Variants in PRDX3 observed in about 807,000 individuals in gnomAD.
PRDX3 encodes the protein thioredoxin-dependent peroxide reductase, mitochondrial.
A neutral mutation model predicts 30.4 loss-of-function variants in PRDX3; 20 were observed. The ratio of observed to expected loss-of-function variants is 0.66; its 90% CI spans 0.46 to 0.96. The LOEUF (loss-of-function observed/expected upper bound fraction) is 0.96, where lower values mean the gene tolerates loss of function less well. Among genes scored for constraint, PRDX3 ranks in the 40% least tolerant of loss-of-function variants. The pLI, the probability that PRDX3 is intolerant of heterozygous loss-of-function variation, is 0.00. For synonymous variants in PRDX3, 124 were observed against 117.8 expected, an observed-to-expected ratio of 1.05 and a Z score of -0.34; for missense variants, 322 against 318.3, an observed-to-expected ratio of 1.01 and a Z score of -0.09.
intron 5 of PRDX3, among the ~76,000 whole-genome samples, chr10:119,171,261 C>T (rs1210107701): frequency 3.3e-5 from 5 of 151,976 alleles, no homozygotes; most frequent in African/African-American, 1.2e-4. Flanking sequence ...AGGATGGTCT[C>T]GATCTCTTGA....
intron 6 of PRDX3, 100 bp downstream of exon 6, chr10:119,169,077 C>T: frequency 7.5e-7 from 1 of 1,333,890 alleles, no homozygotes; most frequent in Non-Finnish European, 1.1e-6. Flanking sequence ...CATCTGCACG[C>T]TTGCTTCAAG....
In PRDX3 at chr10:119,169,280, A is replaced by G. The variant is rs1178914192; in HGVS notation, c.614T>C (p.Val205Ala). 3 of 1,614,028 alleles carry G rather than the reference A, an allele frequency of 1.9e-6. No homozygotes were observed. Among genetic ancestry groups the G allele is most frequent in the Non-Finnish European group, 2.5e-6 (3 of 1,180,020 alleles). ...IKHLSVNDLP[V>A]GRSVEETLRL... ...GAGGGTTTCTTCCACGCTTCGGCCC[A>G]CTGGGAGATCGTTGACGCTCAAATG... Residue 205 changes from valine (V) to alanine (A), a missense_variant, in exon 6 of 7, where the codon GTG (valine) becomes GCG (alanine). Coordinates refer to ENST00000298510, the MANE Select transcript of PRDX3 (RefSeq NM_006793.5).
At chr10:119,178,661 G>A (rs1848105390) in intron 1 of PRDX3, 94 bp downstream of exon 1, 12 of 1,423,566 alleles carry the variant, frequency 8.4e-6, no homozygotes, top group African/African-American at 1.4e-5. Flanking sequence ...AGGGCGAATG[G>A]CCCTCATGCC....
rs34910005 is a variant in PRDX3 at position 119,171,290 on chromosome 10, T to C, written c.551+1092A>G. On this transcript the variant is annotated intron_variant, in intron 5 of 6. Coordinates refer to ENST00000298510, the MANE Select transcript of PRDX3 (RefSeq NM_006793.5). Reference sequence around the variant, plus strand: ...CTCTTGACCTCGTGATCCACCTGCCTCGGCCTCCCAAAGTGCTGGCATTAC... The same window carrying C: ...CTCTTGACCTCGTGATCCACCTGCCCCGGCCTCCCAAAGTGCTGGCATTAC... 2.5e-4 allele frequency among the ~76,000 whole-genome samples: 38 copies of C among 151,996 alleles called. No homozygotes were observed. In the East Asian group the frequency reaches 7.2e-3, roughly 29 times the overall value.
chr10:119,168,365 A>G lies in PRDX3; in HGVS notation c.*115T>C. On this transcript the variant is annotated 3_prime_UTR_variant, in exon 7 of 7. Coordinates refer to ENST00000298510, the MANE Select transcript of PRDX3 (RefSeq NM_006793.5). The stretch of plus-strand genomic sequence containing the variant: ...AAAACATTTAGAGTAATACTTATGA[A>G]TACAAGCATAATTGGTTCCTTGCCT... The G allele has an allele frequency of 4.5e-6, 7 of 1,545,500 alleles. No homozygotes were observed. The South Asian group carries it at 8.4e-5, about 19-fold the overall frequency.
intron 5 of PRDX3, chr10:119,170,788 G>C (rs994995031): frequency 6.6e-6 from 1 of 151,738 alleles, no homozygotes; most frequent in African/African-American, 2.4e-5. Context: ...CCAGCTACTC[G>C]GGAGGCTGAG....
In PRDX3 at chr10:119,168,412, A is replaced by C; in HGVS notation, c.*68T>G. 2 of 1,605,144 alleles carry C rather than the reference A, an allele frequency of 1.2e-6. No individual in the cohort carries two copies. The highest frequency in any genetic ancestry group is 4.5e-5 in the East Asian group (2 of 44,790). On this transcript the variant is annotated 3_prime_UTR_variant, in exon 7 of 7. Transcript: ENST00000298510. ...GCCTTCTACAAATAACCATCTTGAAAATGATAAAAGCAGGTTTCAACTGTG... is the reference window on the plus strand; with the variant it reads ...GCCTTCTACAAATAACCATCTTGAACATGATAAAAGCAGGTTTCAACTGTG...
intron 4 of PRDX3, 91 bp from the exon 5 acceptor site, chr10:119,172,576 G>T: frequency 9.5e-7 from 1 of 1,055,270 alleles, no homozygotes; most frequent in Non-Finnish European, 1.5e-6. Flanking sequence ...CAGTAACGGC[G>T]ATAGGTAACA....
intron 6 of PRDX3, 62 bp downstream of exon 6, chr10:119,169,115 G>A: frequency 6.4e-7 from 1 of 1,563,290 alleles, no homozygotes; most frequent in Non-Finnish European, 8.8e-7. Context: ...GGATATTTCA[G>A]GTCAATAGCT....
rs140017433 is a variant in PRDX3 at position 119,172,576 on chromosome 10, G to A, written c.448-91C>T. The A allele has an allele frequency of 1.7e-4, 180 of 1,055,268 alleles. 1 individual carries two copies. Among genetic ancestry groups the A allele is most frequent in the Non-Finnish European group, 2.3e-4 (159 of 677,332 alleles). The allele number at this position is 1,055,268 out of a possible 1,614,324, so 65.4% of individuals were successfully genotyped here. On this transcript the variant is annotated intron_variant, in intron 4 of 6. Transcript: ENST00000298510. ...AATGTTTGAGACCAACAGTAACGGCGATAGGTAACAGTAATTCAACAACGG... is the reference window on the plus strand; with the variant it reads ...AATGTTTGAGACCAACAGTAACGGCAATAGGTAACAGTAATTCAACAACGG...
At chr10:119,172,651 G>A (rs1847933233) in intron 4 of PRDX3, among the ~76,000 whole-genome samples, 166 bp from the exon 5 acceptor site, 1 of 152,128 alleles carries the variant, frequency 6.6e-6, no homozygotes, top group Non-Finnish European at 1.5e-5. Flanking sequence ...AAACCACCCT[G>A]GAGAAGACAC....
chr10:119,174,878 T>A (rs1198664195), intron 2 of PRDX3: 3 of 281,890 alleles, frequency 1.1e-5, no homozygotes, highest in East Asian at 1.3e-4. Flanking sequence ...AGATTACTCA[T>A]AATACCTAAT....
At chr10:119,172,509 G>A (rs941884293) in intron 4 of PRDX3, 24 bp from the exon 5 acceptor site, 6 of 1,568,990 alleles carry the variant, frequency 3.8e-6, no homozygotes, top group Non-Finnish European at 5.3e-6. Flanking sequence ...AAACATGACT[G>A]TTAGAATGTG....
intron 5 of PRDX3, 151 bp downstream of exon 5, chr10:119,172,231 A>C (rs1389761202): frequency 1.5e-6 from 1 of 653,418 alleles, no homozygotes; most frequent in East Asian, 2.8e-5. Context: ...TGGCCTCCCA[A>C]AGTGCTACGA....
rs372470152 is a variant in PRDX3 at position 119,178,771 on chromosome 10, C to T, written c.20G>A (p.Arg7Gln). The change falls in exon 1 of 7, where the codon CGG (arginine) becomes CAG (glutamine). Residue 7 changes from arginine to glutamine, a missense_variant. Coordinates refer to ENST00000298510, the MANE Select transcript of PRDX3 (RefSeq NM_006793.5). MAAAVG[R>Q]LLRASVARHV... is the part of the protein sequence containing the mutation. ...GCCACTCACCGACGCTCGGAGCAAC[C>T]GTCCTACAGCAGCCGCCATCTTCAG... 1.3e-6 allele frequency: 2 copies of T among 1,552,920 alleles called. No individual in the cohort carries two copies. Among genetic ancestry groups the T allele is most frequent in the African/African-American group, 1.4e-5 (1 of 73,260 alleles).
At chr10:119,174,226 GCA>G (rs1411521735) in intron 3 of PRDX3, among the ~76,000 whole-genome samples, 1 of 152,192 alleles carries the variant, frequency 6.6e-6, no homozygotes, top group Non-Finnish European at 1.5e-5. Context: ...GTGCTCCAGA[GCA>G]CAGAGGTGTA....
chr10:119,171,668 G>A (rs1280964270), intron 5 of PRDX3, among the ~76,000 whole-genome samples: 5 of 152,152 alleles, frequency 3.3e-5, no homozygotes, highest in African/African-American at 1.2e-4. Context: ...AAAAACTCTA[G>A]CTGTGTCACT....
chr10:119,178,785 C>G lies in PRDX3; in HGVS notation c.6G>C (p.Ala2=). 1.3e-6 allele frequency: 2 copies of G among 1,553,152 alleles called. No individual in the cohort carries two copies. Among genetic ancestry groups the G allele is most frequent in the Non-Finnish European group, 1.7e-6 (2 of 1,148,282 alleles). Residue 2 remains alanine, a synonymous_variant, in exon 1 of 7, where the codon GCG becomes GCC. Coordinates refer to ENST00000298510, the MANE Select transcript of PRDX3 (RefSeq NM_006793.5). M[A]AAVGRLLRAS... ...CTCGGAGCAACCGTCCTACAGCAGC[C>G]GCCATCTTCAGTGCACTCGGGCGCC...
intron 5 of PRDX3, among the ~76,000 whole-genome samples, chr10:119,171,721 G>A (rs910725307): frequency 5.3e-5 from 8 of 152,168 alleles, no homozygotes; most frequent in Non-Finnish European, 8.8e-5. Context: ...CCTCATTTTA[G>A]TTATGGGAAA....
Sources: gnomAD v4.1 joint callset for allele counts (sites outside exome capture counted in the v4.1 genomes callset) on GRCh38, gnomAD v4.1.1 for gene constraint, MANE v1.5 for transcripts, NCBI Gene and HGNC (gene_info 2026-07-23, HGNC 2026-07-21) for gene names.